Variants in SGCD observed in about 807,000 individuals in gnomAD.
SGCD encodes the protein sarcoglycan delta, also known as delta-sarcoglycan.
Under a neutral mutation model 36.6 loss-of-function variants are expected in SGCD, and 18 were observed. The observed-to-expected ratio is 0.49, with a 90% CI of 0.34 to 0.73. The LOEUF (loss-of-function observed/expected upper bound fraction) is 0.73. SGCD is among the 30% of genes least tolerant of loss of function. The pLI is 0.01. For missense variants in SGCD, 387 were observed against 346.7 expected (o/e 1.12, Z -0.92); for synonymous variants, 133 against 130.6 (o/e 1.02, Z -0.12).
intron 3 of SGCD, among the ~76,000 whole-genome samples, chr5:156,362,527 T>A (rs1769854743): frequency 1.3e-5 from 2 of 152,054 alleles, no homozygotes; most frequent in African/African-American, 2.4e-5. Context: ...GCATCTGTAG[T>A]CCCAGCTACT....
chr5:156,133,026 A>T (rs1403745500), intron 3 of SGCD, among the ~76,000 whole-genome samples: 9 of 152,182 alleles, frequency 5.9e-5, no homozygotes, highest in African/African-American at 2.2e-4. Context: ...TTGAGTCAGG[A>T]GTTATACTGA....
At chr5:155,819,374 G>T in the SGCD span, among the ~76,000 whole-genome samples, 2 of 152,052 alleles carry the variant, frequency 1.3e-5, no homozygotes, top group African/African-American at 4.8e-5. Context: ...AATTCAACAC[G>T]ACTTAATTAT....
At chr5:155,730,321 C>G in the SGCD span, among the ~76,000 whole-genome samples, 1 of 152,126 alleles carries the variant, frequency 6.6e-6, no homozygotes, top group Non-Finnish European at 1.5e-5. Flanking sequence ...TCATGAGTAA[C>G]TTCTTCATTC....
chr5:156,185,324 C>G (rs924658542), intron 3 of SGCD, among the ~76,000 whole-genome samples: 16 of 151,120 alleles, frequency 1.1e-4, no homozygotes, highest in Non-Finnish European at 1.9e-4. Context: ...ACACCATTCT[C>G]CTGTCTCAGC....
chr5:156,687,035 G>A lies in SGCD; in HGVS notation c.575+39499G>A, dbSNP rs1753930081. Among the ~76,000 whole-genome samples, 3 of 152,186 alleles carry A rather than the reference G, an allele frequency of 2.0e-5. No homozygotes were observed. The South Asian group carries it at 6.2e-4, about 32-fold the overall frequency. ...TCAGAGGCACCTGCTTCAGTAATCA[G>A]CAGCTCCAGATATGCTCATGCCGCA... On this transcript the variant is annotated intron_variant, in intron 7 of 8. Coordinates refer to ENST00000337851, the MANE Select transcript of SGCD (RefSeq NM_000337.6).
At chr5:156,445,527 C>T (rs537074832) in intron 3 of SGCD, among the ~76,000 whole-genome samples, 2 of 152,074 alleles carry the variant, frequency 1.3e-5, no homozygotes, top group African/African-American at 4.8e-5. Flanking sequence ...GCCCTCAGTC[C>T]GGTGTTCATG....
chr5:155,980,417 C>T (rs1758202002), intron 1 of SGCD, among the ~76,000 whole-genome samples: 2 of 151,400 alleles, frequency 1.3e-5, no homozygotes, highest in Non-Finnish European at 2.9e-5. Flanking sequence ...AACCCCGTCT[C>T]TACTAAAAAT....
intron 1 of SGCD, among the ~76,000 whole-genome samples, chr5:156,003,576 A>G (rs1758703349): frequency 6.6e-6 from 1 of 152,208 alleles, no homozygotes; most frequent in East Asian, 1.9e-4. Flanking sequence ...TGTTTGATAC[A>G]TCTGGGCATG....
chr5:155,850,340 G>A, the SGCD span, among the ~76,000 whole-genome samples: 1 of 151,956 alleles, frequency 6.6e-6, no homozygotes, highest in Non-Finnish European at 1.5e-5. Flanking sequence ...GCTCAGAGAG[G>A]GATAAGAGTC....
intron 1 of SGCD, among the ~76,000 whole-genome samples, chr5:156,019,266 G>A (rs1373227795): frequency 6.6e-6 from 1 of 152,174 alleles, no homozygotes; most frequent in Non-Finnish European, 1.5e-5. Context: ...TAGCTAGGGA[G>A]CAGTAAATCA....
intron 6 of SGCD, among the ~76,000 whole-genome samples, chr5:156,631,755 C>T (rs1762644098): frequency 6.6e-6 from 1 of 151,938 alleles, no homozygotes; most frequent in South Asian, 2.1e-4. Context: ...TTCTGCTATC[C>T]TGTGGATTTC....
chr5:156,159,774 A>G (rs1283343782), intron 3 of SGCD, among the ~76,000 whole-genome samples: 1 of 151,686 alleles, frequency 6.6e-6, no homozygotes. Flanking sequence ...TACATAATTG[A>G]AATCCATTGT....
intron 1 of SGCD, among the ~76,000 whole-genome samples, chr5:155,870,806 A>T (rs1755616155): frequency 6.6e-6 from 1 of 152,154 alleles, no homozygotes; most frequent in African/African-American, 2.4e-5. Flanking sequence ...TCTCAGGTTA[A>T]CGTCTTTTTG....
chr5:156,188,124 T>C (rs374154767), intron 3 of SGCD, among the ~76,000 whole-genome samples: 1 of 152,150 alleles, frequency 6.6e-6, no homozygotes, highest in East Asian at 1.9e-4. Flanking sequence ...CTTGCCCTGG[T>C]CTGAGCTTTG....
chr5:156,458,407 G>A (rs140033125), intron 3 of SGCD: 38,355 of 1,594,410 alleles, frequency 0.024, 568 homozygotes, highest in Non-Finnish European at 0.029. Context: ...CTGTTGATGT[G>A]ATCGATGTAG....
At chr5:156,322,517 A>C (rs1177037629), upstream of SGCD, among the ~76,000 whole-genome samples, 1 of 152,220 alleles carries the variant, frequency 6.6e-6, no homozygotes, top group African/African-American at 2.4e-5. Flanking sequence ...AAATATGTAT[A>C]TACAACTAAA....
intron 3 of SGCD, among the ~76,000 whole-genome samples, chr5:156,368,231 C>T (rs752199861): frequency 6.6e-6 from 1 of 152,038 alleles, no homozygotes; most frequent in Non-Finnish European, 1.5e-5. Flanking sequence ...GCTGGGATTA[C>T]AGGCGCCTGC....
chr5:156,248,179 C>T (rs1371444360), intron 3 of SGCD, among the ~76,000 whole-genome samples: 2 of 151,888 alleles, frequency 1.3e-5, no homozygotes, highest in Non-Finnish European at 2.9e-5. Flanking sequence ...TGGGATATTC[C>T]AGGTAGAGGG....
chr5:156,532,035 A>C (rs1028106971), intron 4 of SGCD, among the ~76,000 whole-genome samples: 1 of 152,082 alleles, frequency 6.6e-6, no homozygotes, highest in Admixed American at 6.6e-5. Flanking sequence ...GCTTGAACCC[A>C]GGAGGCAGAG....
Sources: gnomAD v4.1 joint callset for allele counts (sites outside exome capture counted in the v4.1 genomes callset) on GRCh38, gnomAD v4.1.1 for gene constraint, MANE v1.5 for transcripts, NCBI Gene and HGNC (gene_info 2026-07-23, HGNC 2026-07-21) for gene names.